The following ABCC2 variants were observed in gnomAD, a reference collection of about 807,000 sequenced individuals.
ABCC2 encodes ATP-binding cassette sub-family C member 2.
A neutral mutation model predicts 173.4 loss-of-function variants in ABCC2; 157 were observed. That is an observed-to-expected ratio of 0.91 (90% CI 0.80 to 1.03). The LOEUF (loss-of-function observed/expected upper bound fraction) is 1.03, where lower values mean the gene tolerates loss of function less well. Ranked by LOEUF, ABCC2 falls within the 50% of genes least tolerant of loss-of-function variation. ABCC2 has a pLI of 0.00. For missense variants in ABCC2, 1,822 were observed against 1,852.3 expected, an observed-to-expected ratio of 0.98 and a Z score of 0.30; for synonymous variants, 657 against 693.5, an observed-to-expected ratio of 0.95 and a Z score of 0.83.
chr10:99,783,416 A>T (rs2037649880), intron 1 of ABCC2, among the ~76,000 whole-genome samples: 1 of 152,228 alleles, frequency 6.6e-6, no homozygotes, highest in Admixed American at 6.5e-5. Flanking sequence ...CACCACTTAG[A>T]GGGTGAACAA....
At chr10:99,816,522 C>T (rs533671536) in intron 16 of ABCC2, among the ~76,000 whole-genome samples, 76 of 152,044 alleles carry the variant, frequency 5.0e-4, no homozygotes, top group Non-Finnish European at 1.0e-3. Context: ...TCAGGTGATC[C>T]GCCCACTTCG....
At chr10:99,789,754 G>GA (rs201006984) in intron 2 of ABCC2, among the ~76,000 whole-genome samples, 1,863 of 105,836 alleles carry the variant, frequency 0.018, 49 homozygotes, top group African/African-American at 0.061. Context: ...AGAAAGAAAA[G>GA]GAAAGGTGGA....
intron 9 of ABCC2, 125 bp downstream of exon 9, chr10:99,800,688 T>G: frequency 2.6e-4 from 258 of 1,006,376 alleles, no homozygotes; most frequent in Middle Eastern, 5.0e-4. Context: ...TGACTGGCCA[T>G]ACAGCCTCCT....
rs1409152387 is a variant in ABCC2, at chr10:99,817,295, C to A, written c.2095-13C>A. 3 of 1,613,998 alleles carry A rather than the reference C, an allele frequency of 1.9e-6. No homozygotes were observed. Among genetic ancestry groups the A allele is most frequent in the Non-Finnish European group, 1.7e-6 (2 of 1,179,924 alleles). On this transcript the variant is annotated splice_polypyrimidine_tract_variant and intron_variant, in intron 16 of 31. Coordinates refer to ENST00000647814, the MANE Select transcript of ABCC2 (RefSeq NM_000392.5). ...GGTGCAGCTGTAACATGATCTGATCCTTTTTCATCTAGGGCACCACTGCCT... is the reference window on the plus strand; with the variant it reads ...GGTGCAGCTGTAACATGATCTGATCATTTTTCATCTAGGGCACCACTGCCT...
At chr10:99,799,141 C>A in intron 7 of ABCC2, 66 bp from the exon 8 acceptor site, 12 of 1,597,114 alleles carry the variant, frequency 7.5e-6, no homozygotes, top group South Asian at 1.1e-5. Context: ...GGCTGACCAC[C>A]CTGGAGCTGC....
rs1476011897 is a variant in ABCC2 at position 99,834,409 on chromosome 10, T to C, written c.3288T>C (p.Pro1096=). ...TTTCCACAGTGGATGACACCCTGCCTCAGTCCTTGCGCAGCTGGATTACAT... is the reference window on the plus strand; with the variant it reads ...TTTCCACAGTGGATGACACCCTGCCCCAGTCCTTGCGCAGCTGGATTACAT... The part of the protein sequence containing the change: ...GDISTVDDTL[P]QSLRSWITCF... The change falls in exon 24 of 32, where the codon CCT becomes CCC. Residue 1096 remains proline, a synonymous_variant. Coordinates refer to ENST00000647814, the MANE Select transcript of ABCC2 (RefSeq NM_000392.5). 3.7e-6 allele frequency: 6 copies of C among 1,614,054 alleles called. No homozygotes were observed. Among genetic ancestry groups the C allele is most frequent in the Non-Finnish European group, 5.1e-6 (6 of 1,180,036 alleles).
intron 2 of ABCC2, among the ~76,000 whole-genome samples, chr10:99,788,130 A>T (rs2037750521): frequency 6.6e-6 from 1 of 152,128 alleles, no homozygotes; most frequent in African/African-American, 2.4e-5. Flanking sequence ...TTCATGTCTT[A>T]GTTGGCAACC....
chr10:99,836,380 G>A, intron 25 of ABCC2, 90 bp downstream of exon 25: 1 of 1,333,660 alleles, frequency 7.5e-7, no homozygotes, highest in Non-Finnish European at 1.1e-6. Flanking sequence ...ATGGCTAGTG[G>A]TGTGAAATTC....
In ABCC2 at chr10:99,834,411, A is replaced by C. The variant is rs1286577714; in HGVS notation, c.3290A>C (p.Gln1097Pro). 10 of 1,614,060 alleles carry C rather than the reference A, an allele frequency of 6.2e-6. No individual in the cohort carries two copies. In the African/African-American group the frequency reaches 9.3e-5, roughly 15 times the overall value. The change falls in exon 24 of 32, where the codon CAG becomes CCG. Residue 1097 changes from glutamine to proline, a missense_variant. Coordinates refer to ENST00000647814, the MANE Select transcript of ABCC2 (RefSeq NM_000392.5). ...TCCACAGTGGATGACACCCTGCCTC[A>C]GTCCTTGCGCAGCTGGATTACATGC... ...DISTVDDTLP[Q>P]SLRSWITCFL...
intron 29 of ABCC2, 62 bp downstream of exon 29, chr10:99,845,844 A>C: frequency 6.6e-7 from 1 of 1,524,900 alleles, no homozygotes; most frequent in Non-Finnish European, 8.9e-7. Flanking sequence ...CAGGAAACAT[A>C]TGCAGCTTCT....
intron 19 of ABCC2, among the ~76,000 whole-genome samples, chr10:99,819,757 T>G (rs1221205676): frequency 6.6e-6 from 1 of 152,244 alleles, no homozygotes; most frequent in African/African-American, 2.4e-5. Context: ...CCAAAACCAC[T>G]GGGTGTTTGA....
intron 19 of ABCC2, among the ~76,000 whole-genome samples, chr10:99,822,222 C>T (rs2038551486): frequency 6.6e-6 from 1 of 152,192 alleles, no homozygotes; most frequent in Non-Finnish European, 1.5e-5. Flanking sequence ...GACTTACCAC[C>T]GTTGATACAA....
At chr10:99,837,348 GC>G (rs1282672040) in intron 25 of ABCC2, among the ~76,000 whole-genome samples, 1 of 67,050 alleles carries the variant, frequency 1.5e-5, no homozygotes, top group Non-Finnish European at 3.0e-5. Flanking sequence ...TGTTGGTCAG[GC>G]TGGTCTTGAA....
chr10:99,845,924 G>A (rs2039010191), intron 29 of ABCC2, 142 bp downstream of exon 29: 2 of 944,238 alleles, frequency 2.1e-6, no homozygotes, highest in Non-Finnish European at 3.3e-6. Flanking sequence ...AGTTCCCTAG[G>A]ATGGACACGT....
At chr10:99,813,657 C>T (rs2038255798) in intron 16 of ABCC2, among the ~76,000 whole-genome samples, 1 of 151,808 alleles carries the variant, frequency 6.6e-6, no homozygotes, top group Non-Finnish European at 1.5e-5. Context: ...CTGCAGTGAG[C>T]CAAGATCATG....
At chr10:99,844,913 T>C (rs949039666) in intron 28 of ABCC2, among the ~76,000 whole-genome samples, 3 of 152,136 alleles carry the variant, frequency 2.0e-5, no homozygotes, top group African/African-American at 7.2e-5. Context: ...GGACTTGGGG[T>C]CTGATGAGCA....
chr10:99,785,715 G>A (rs937696473), intron 2 of ABCC2, among the ~76,000 whole-genome samples: 4 of 151,924 alleles, frequency 2.6e-5, no homozygotes, highest in South Asian at 2.1e-4. Flanking sequence ...GCGGGATTTC[G>A]CCATGTTGGC....
chr10:99,815,584 A>C (rs1045294023), intron 16 of ABCC2, among the ~76,000 whole-genome samples: 1 of 152,170 alleles, frequency 6.6e-6, no homozygotes, highest in African/African-American at 2.4e-5. Context: ...AATTTAGGGA[A>C]AATTATAGTT....
intron 2 of ABCC2, among the ~76,000 whole-genome samples, chr10:99,790,718 A>G (rs1287418093): frequency 1.3e-5 from 2 of 152,210 alleles, no homozygotes; most frequent in Non-Finnish European, 2.9e-5. Flanking sequence ...CCTATAGTGT[A>G]TTATATACTT....
Sources: gnomAD v4.1 joint callset for allele counts (sites outside exome capture counted in the v4.1 genomes callset) on GRCh38, gnomAD v4.1.1 for gene constraint, MANE v1.5 for transcripts, NCBI Gene and HGNC (gene_info 2026-07-23, HGNC 2026-07-21) for gene names.